Variants in STRN3 observed in about 807,000 individuals in gnomAD.
The protein encoded by STRN3 is striatin 3, also known as striatin-3.
A neutral mutation model predicts 95.6 loss-of-function variants in STRN3; 29 were observed. That is an observed-to-expected ratio of 0.30 (90% CI 0.23 to 0.41). The LOEUF (loss-of-function observed/expected upper bound fraction) is 0.41. Ranked by LOEUF, STRN3 falls within the 10% of genes least tolerant of loss-of-function variation. The probability of loss-of-function intolerance (pLI) is 1.00; values close to 1 mark genes in which losing one functional copy is unlikely to be tolerated. For synonymous variants in STRN3, 331 were observed against 357.6 expected, an observed-to-expected ratio of 0.93 and a Z score of 0.84; for missense variants, 890 against 972.1, an observed-to-expected ratio of 0.92 and a Z score of 1.12.
intron 1 of STRN3, among the ~76,000 whole-genome samples, chr14:30,959,192 G>A (rs960637524): frequency 6.6e-6 from 1 of 152,032 alleles, no homozygotes; most frequent in Non-Finnish European, 1.5e-5. Flanking sequence ...TGAGTGTGGC[G>A]GTGCACGCCT....
intron 1 of STRN3, among the ~76,000 whole-genome samples, chr14:30,994,313 A>T (rs1882101643): frequency 6.6e-6 from 1 of 152,214 alleles, no homozygotes; most frequent in East Asian, 1.9e-4. Context: ...TACTTTAGAT[A>T]TCTTCAGGTG....
chr14:30,930,441 A>T, intron 7 of STRN3, among the ~76,000 whole-genome samples: 1 of 152,118 alleles, frequency 6.6e-6, no homozygotes, highest in Non-Finnish European at 1.5e-5. Flanking sequence ...AACTTAAGAA[A>T]TTCTCATATT....
At chr14:30,933,089 A>G (rs1878620738) in intron 7 of STRN3, among the ~76,000 whole-genome samples, 3 of 151,840 alleles carry the variant, frequency 2.0e-5, no homozygotes, top group African/African-American at 7.3e-5. Context: ...AGCCTGAGCA[A>G]CATGGCCAAA....
chr14:30,962,270 TG>T (rs1880247457), intron 1 of STRN3, among the ~76,000 whole-genome samples: 1 of 152,234 alleles, frequency 6.6e-6, no homozygotes, highest in Non-Finnish European at 1.5e-5. Context: ...ACAATGTGCT[TG>T]TTTTAAACTA....
At chr14:30,927,342 A>C (rs1878233450) in intron 8 of STRN3, among the ~76,000 whole-genome samples, 1 of 151,988 alleles carries the variant, frequency 6.6e-6, no homozygotes, top group Non-Finnish European at 1.5e-5. Context: ...TCTGTTTCTA[A>C]TATTTCTTAA....
At chr14:31,003,576 C>G (rs577524641) in intron 1 of STRN3, among the ~76,000 whole-genome samples, 1 of 152,180 alleles carries the variant, frequency 6.6e-6, no homozygotes, top group East Asian at 1.9e-4. Context: ...GACTGTTGCT[C>G]TCTCGCCATG....
At chr14:31,006,118 C>CAAA (rs370320880) in intron 1 of STRN3, among the ~76,000 whole-genome samples, 2 of 75,234 alleles carry the variant, frequency 2.7e-5, no homozygotes, top group East Asian at 8.5e-4. Flanking sequence ...GACTCTGTCT[C>CAAA]AAAAAAAAAA....
At chr14:30,989,435 A>G (rs1316385803) in intron 1 of STRN3, among the ~76,000 whole-genome samples, 2 of 152,064 alleles carry the variant, frequency 1.3e-5, no homozygotes, top group African/African-American at 4.8e-5. Flanking sequence ...AGCAGCAACA[A>G]AACAGTCATT....
At chr14:30,985,877 CT>C (rs1881666202) in intron 1 of STRN3, among the ~76,000 whole-genome samples, 1 of 152,152 alleles carries the variant, frequency 6.6e-6, no homozygotes, top group South Asian at 2.1e-4. Context: ...CAAAAACTAC[CT>C]GTTCAGAACA....
chr14:30,948,461 CATA>C (rs1879475021), intron 4 of STRN3, among the ~76,000 whole-genome samples: 1 of 151,808 alleles, frequency 6.6e-6, no homozygotes, highest in Admixed American at 6.6e-5. Context: ...GGACTAGAAT[CATA>C]ATAAAAACTC....
chr14:30,904,033 G>A (rs899403201), intron 15 of STRN3, among the ~76,000 whole-genome samples: 1 of 152,042 alleles, frequency 6.6e-6, no homozygotes, highest in Non-Finnish European at 1.5e-5. Flanking sequence ...TCTTAGCTCT[G>A]TCCATTGAAA....
chr14:30,959,867 A>C (rs1010418607), intron 1 of STRN3, among the ~76,000 whole-genome samples: 2 of 152,202 alleles, frequency 1.3e-5, no homozygotes, highest in African/African-American at 4.8e-5. Context: ...AGAAAATATA[A>C]AAATTTAACA....
At chr14:30,899,747 C>T (rs1011624407) in intron 16 of STRN3, among the ~76,000 whole-genome samples, 1 of 152,100 alleles carries the variant, frequency 6.6e-6, no homozygotes, top group Non-Finnish European at 1.5e-5. Flanking sequence ...ACATACCCCC[C>T]CCACCCCCTC....
chr14:30,924,341 G>A (rs1896964377), intron 8 of STRN3, among the ~76,000 whole-genome samples: 1 of 132,824 alleles, frequency 7.5e-6, no homozygotes, highest in Admixed American at 8.5e-5. Flanking sequence ...AGGCTGGAGT[G>A]CAGTGGCGCG....
intron 4 of STRN3, among the ~76,000 whole-genome samples, chr14:30,948,335 G>T (rs1185334606): frequency 6.6e-6 from 1 of 152,170 alleles, no homozygotes; most frequent in Non-Finnish European, 1.5e-5. Context: ...ACTGGCCTGG[G>T]TATACAGATG....
At chr14:30,989,407 AT>A (rs1250319607) in intron 1 of STRN3, among the ~76,000 whole-genome samples, 1 of 152,148 alleles carries the variant, frequency 6.6e-6, no homozygotes, top group Non-Finnish European at 1.5e-5. Flanking sequence ...AAGGTAGTAG[AT>A]TGGGAGGTAG....
At chr14:30,932,064 C>T (rs528863773) in intron 7 of STRN3, 2 of 152,354 alleles carry the variant, frequency 1.3e-5, no homozygotes, top group South Asian at 2.1e-4. Context: ...GTCAGCAGTT[C>T]AAGACCAGCC....
At chr14:30,916,939 C>T (rs1896755285) in intron 9 of STRN3, among the ~76,000 whole-genome samples, 1 of 152,122 alleles carries the variant, frequency 6.6e-6, no homozygotes, top group South Asian at 2.1e-4. Flanking sequence ...TAACAGATTC[C>T]ATTTATACCA....
chr14:30,911,009 T>TA lies in STRN3; in HGVS notation c.1720+31dup, dbSNP rs3830860. The TA allele has an allele frequency of 1.9e-5, 31 of 1,604,480 alleles. No homozygotes were observed. In the South Asian group the frequency reaches 3.0e-4, roughly 16 times the overall value. ...TTTACTTTTGTCAGCTCCATTCACT[T>TA]AAAAAAAATACATTTTGATCATTTT... On this transcript the variant is annotated intron_variant, in intron 13 of 17. Coordinates refer to ENST00000357479, the MANE Select transcript of STRN3 (RefSeq NM_001083893.2).
Sources: gnomAD v4.1 joint callset for allele counts (sites outside exome capture counted in the v4.1 genomes callset) on GRCh38, gnomAD v4.1.1 for gene constraint, MANE v1.5 for transcripts, NCBI Gene and HGNC (gene_info 2026-07-23, HGNC 2026-07-21) for gene names.